Variants in BTAF1 observed in about 807,000 individuals in gnomAD.
BTAF1 encodes the protein TATA-binding protein-associated factor 172.
In BTAF1, 38 loss-of-function variants were observed where a neutral mutation model predicts 227.1. The observed-to-expected ratio is 0.17, with a 90% CI of 0.13 to 0.22. The LOEUF (loss-of-function observed/expected upper bound fraction) is 0.22. BTAF1 is among the 10% of genes least tolerant of loss of function. The pLI is 1.00. For missense variants in BTAF1, 1,598 were observed against 2,204.0 expected (o/e 0.73, Z 5.51); for synonymous variants, 742 against 751.9 (o/e 0.99, Z 0.21).
rs999491368 is a variant in BTAF1, at chr10:91,923,836, G to A, written c.-241G>A. The A allele has an allele frequency of 2.3e-6, 1 of 436,036 alleles. No homozygotes were observed. 27.0% of individuals were successfully genotyped at this position (436,036 alleles called of 1,614,324 possible). ...GAGGGTACCCGGTTTGAAGTCGTGC[G>A]GGTCGGAGGACTGCCGCCTCCGCTA... is the stretch of plus-strand genomic sequence containing the variant. On this transcript the variant is annotated 5_prime_UTR_variant, in exon 1 of 38. Coordinates refer to ENST00000265990, the MANE Select transcript of BTAF1 (RefSeq NM_003972.3).
chr10:91,995,631 G>A (rs1472954099), intron 23 of BTAF1, among the ~76,000 whole-genome samples: 5 of 151,260 alleles, frequency 3.3e-5, no homozygotes, highest in African/African-American at 9.7e-5. Context: ...AGCCAAGATC[G>A]CGCCACTGCA....
chr10:92,005,237 T>G (rs1027025077), intron 25 of BTAF1, among the ~76,000 whole-genome samples: 1 of 112,976 alleles, frequency 8.9e-6, no homozygotes, highest in Non-Finnish European at 1.8e-5. Flanking sequence ...TCCACATGAG[T>G]TTTTTTGTTT....
chr10:92,008,598 CTT>C (rs759351663), intron 26 of BTAF1, among the ~76,000 whole-genome samples: 3 of 151,818 alleles, frequency 2.0e-5, no homozygotes, highest in Non-Finnish European at 4.4e-5. Flanking sequence ...ATCCTCCCAC[CTT>C]GGCCCCCCAA....
At position 91,955,437 on chromosome 10, in the gene BTAF1, GTA is replaced by G. The variant is rs61575087; in HGVS notation, c.702-1085_702-1084del. Among the ~76,000 whole-genome samples, 642 of 152,188 alleles carry G rather than the reference GTA, an allele frequency of 4.2e-3. 6 individuals carry two copies. The highest frequency in any genetic ancestry group is 0.014 in the African/African-American group (597 of 41,522). On this transcript the variant is annotated intron_variant, in intron 6 of 37. Coordinates refer to ENST00000265990, the MANE Select transcript of BTAF1 (RefSeq NM_003972.3). ...TAAATAAGTAAAATACAGTGTGTGT[GTA>G]TATATGTGTGTATATATATAAAATA...
intron 12 of BTAF1, among the ~76,000 whole-genome samples, chr10:91,963,458 G>C (rs1467115126): frequency 6.6e-6 from 1 of 152,188 alleles, no homozygotes; most frequent in East Asian, 1.9e-4. Flanking sequence ...AGTGATGGGG[G>C]AGTCCCCCTA....
chr10:92,023,791 A>G (rs116456719), intron 34 of BTAF1, among the ~76,000 whole-genome samples: 4,590 of 152,206 alleles, frequency 0.03, 229 homozygotes, highest in African/African-American at 0.1. Flanking sequence ...GCATGCCACT[A>G]CACCTGGCTG....
rs1008386126 is a variant in BTAF1, at chr10:91,990,598, C to G, written c.2854+1018C>G. ...TCACCTGAGGTCGGGAGTTCAAGAC[C>G]AGCCTGACCAAAATGGAGAAATCCC... On this transcript the variant is annotated intron_variant, in intron 20 of 37. Transcript: ENST00000265990. 2.0e-5 allele frequency among the ~76,000 whole-genome samples: 3 copies of G among 151,318 alleles called. No individual in the cohort carries two copies. In the East Asian group the frequency reaches 5.9e-4, roughly 30 times the overall value.
At chr10:91,998,127 C>CAAA (rs55642022) in intron 25 of BTAF1, among the ~76,000 whole-genome samples, 6 of 99,414 alleles carry the variant, frequency 6.0e-5, no homozygotes, top group African/African-American at 1.4e-4. Context: ...GACTCCATCT[C>CAAA]AAAAAAAAAA....
At chr10:91,985,587 T>G (rs749002271) in intron 19 of BTAF1, among the ~76,000 whole-genome samples, 1 of 152,126 alleles carries the variant, frequency 6.6e-6, no homozygotes, top group African/African-American at 2.4e-5. Context: ...GATTGTATCA[T>G]TTTACCCTCT....
At chr10:91,999,126 G>A (rs1013055878) in intron 25 of BTAF1, among the ~76,000 whole-genome samples, 4 of 150,744 alleles carry the variant, frequency 2.7e-5, no homozygotes. Flanking sequence ...AAGTCTTTGC[G>A]TGGATGTGTG....
chr10:91,924,236 G>A (rs1217414814), intron 1 of BTAF1, 146 bp downstream of exon 1: 2 of 1,129,398 alleles, frequency 1.8e-6, no homozygotes, highest in African/African-American at 3.3e-5. Context: ...TTCGCCCCGT[G>A]GTCGGCGGGG....
intron 35 of BTAF1, among the ~76,000 whole-genome samples, chr10:92,025,390 CA>C (rs1851424570): frequency 6.6e-6 from 1 of 151,712 alleles, no homozygotes; most frequent in East Asian, 1.9e-4. Context: ...GTGCAGTGTT[CA>C]CATGTGGTCT....
intron 33 of BTAF1, among the ~76,000 whole-genome samples, chr10:92,017,367 A>G (rs1589981575): frequency 6.6e-6 from 1 of 152,188 alleles, no homozygotes; most frequent in Non-Finnish European, 1.5e-5. Flanking sequence ...TGCTTGAGAG[A>G]ATAGCAAAAA....
At chr10:91,954,121 G>A (rs944385440) in intron 6 of BTAF1, among the ~76,000 whole-genome samples, 1 of 152,124 alleles carries the variant, frequency 6.6e-6, no homozygotes, top group Non-Finnish European at 1.5e-5. Flanking sequence ...GATCTCCAAA[G>A]GGGAGAGCAT....
intron 19 of BTAF1, 143 bp downstream of exon 19, chr10:91,984,547 A>G: frequency 1.4e-6 from 1 of 716,404 alleles, no homozygotes; most frequent in East Asian, 2.8e-5. Context: ...ACCCTTGAGA[A>G]AGGTTATTTC....
rs1005088510 is a variant in BTAF1, at chr10:91,989,669, A to G, written c.2854+89A>G. 10 of 1,213,808 alleles carry G rather than the reference A, an allele frequency of 8.2e-6. No individual in the cohort carries two copies. In the African/African-American group the frequency reaches 1.5e-4, roughly 19 times the overall value. The allele number at this position is 1,213,808 out of a possible 1,614,324, so 75.2% of individuals were successfully genotyped here. A position where few individuals can be genotyped will look rare whatever the true frequency, so the allele number is the denominator to read the frequency against. On this transcript the variant is annotated intron_variant, in intron 20 of 37. Transcript: ENST00000265990. ...ATGGGTATAATTTAAGCACAAATCC[A>G]GTTCATGTTAGTGTTTTTTCCCATT...
chr10:91,997,681 A>T lies in BTAF1; in HGVS notation c.3590A>T (p.Asp1197Val). 1 of 1,614,094 alleles carries T rather than the reference A, an allele frequency of 6.2e-7. No homozygotes were observed. The highest frequency in any genetic ancestry group is 2.2e-5 in the East Asian group (1 of 44,880). Reference protein sequence around the residue: ...LVVPVLGRMSDQTDSVRFMAT... With the variant: ...LVVPVLGRMSVQTDSVRFMAT... ...GTTCCTGTATTAGGAAGAATGAGTG[A>T]TCAGACAGACAGTGTGAGATTCATG... Residue 1197 changes from aspartate (D) to valine (V), a missense_variant, in exon 25 of 38, where the codon GAT becomes GTT. This residue lies in a region of BTAF1 where 425 missense variants were observed against 491.2 expected (regional missense o/e 0.87). Coordinates refer to ENST00000265990, the MANE Select transcript of BTAF1 (RefSeq NM_003972.3).
Position 91,994,723 on chromosome 10 carries a change from A to G in BTAF1, c.3309+79A>G, listed in dbSNP as rs1435548060. 9.7e-6 allele frequency: 12 copies of G among 1,239,144 alleles called. No individual in the cohort carries two copies. In the Admixed American group the frequency reaches 1.3e-4, roughly 13 times the overall value. The allele number at this position is 1,239,144 out of a possible 1,614,324, so 76.8% of individuals were successfully genotyped here. ...TAAAAAGTCTTAAGGTTTGAAAGGT[A>G]CAGCTTTGATGTCATCCTTATTAAT... On this transcript the variant is annotated intron_variant, in intron 23 of 37. Transcript: ENST00000265990.
intron 4 of BTAF1, among the ~76,000 whole-genome samples, chr10:91,945,977 T>A (rs1845337324): frequency 6.6e-6 from 1 of 152,264 alleles, no homozygotes; most frequent in Non-Finnish European, 1.5e-5. Context: ...GTTGCCATCC[T>A]AATGGATATG....
Sources: allele counts gnomAD v4.1 joint callset (sites outside exome capture counted in the v4.1 genomes callset), GRCh38; gene constraint gnomAD v4.1.1; regional missense constraint gnomAD v4.1.1; transcripts MANE v1.5; gene names NCBI Gene and HGNC (gene_info 2026-07-23, HGNC 2026-07-21).